ZFPM2: variants seen among roughly 807,000 people sequenced by gnomAD.
ZFPM2 encodes the protein zinc finger protein ZFPM2.
A neutral mutation model predicts 98.6 loss-of-function variants in ZFPM2; 20 were observed. The ratio of observed to expected loss-of-function variants is 0.20; its 90% confidence interval spans 0.14 to 0.29. ZFPM2 has a LOEUF of 0.29. Ranked by LOEUF, ZFPM2 falls within the 10% of genes least tolerant of loss-of-function variation. The pLI is 1.00. For missense variants in ZFPM2, 1,310 were observed against 1,388.6 expected (o/e 0.94, Z 0.90); for synonymous variants, 518 against 502.7 (o/e 1.03, Z -0.41).
rs766046223 is a variant in ZFPM2, at chr8:105,444,409, G to A, written c.301+28G>A. The A allele has an allele frequency of 1.2e-5, 19 of 1,541,312 alleles. 1 individual carries two copies. The highest frequency in any genetic ancestry group is 4.6e-5 in the East Asian group (2 of 43,608). The stretch of plus-strand genomic sequence containing the variant: ...AGGGGAGAATATTTAAAATTCAACC[G>A]TCTTTAGTACTGTTAGAAATACACA... On this transcript the variant is annotated intron_variant, in intron 3 of 7. Coordinates refer to ENST00000407775, the MANE Select transcript of ZFPM2 (RefSeq NM_012082.4).
chr8:105,355,234 TAGTTTTAGA>T (rs1310404165), intron 1 of ZFPM2, among the ~76,000 whole-genome samples: 1 of 152,336 alleles, frequency 6.6e-6, no homozygotes, highest in Non-Finnish European at 1.5e-5. Context: ...TTTGAAGTTT[TAGTTTTAGA>T]AGTCACTATT....
At chr8:105,660,885 A>C (rs2130885824) in intron 5 of ZFPM2, among the ~76,000 whole-genome samples, 1 of 152,330 alleles carries the variant, frequency 6.6e-6, no homozygotes, top group Non-Finnish European at 1.5e-5. Context: ...ATCATATTGC[A>C]GACACAAAAT....
chr8:105,738,209 C>A (rs1338053350), intron 5 of ZFPM2, among the ~76,000 whole-genome samples: 1 of 151,936 alleles, frequency 6.6e-6, no homozygotes, highest in African/African-American at 2.4e-5. Flanking sequence ...GTGTGTTGTT[C>A]CCCACTATGC....
At chr8:105,368,364 T>G (rs1810550184) in intron 1 of ZFPM2, among the ~76,000 whole-genome samples, 1 of 152,166 alleles carries the variant, frequency 6.6e-6, no homozygotes, top group African/African-American at 2.4e-5. Context: ...TAGTACTTAC[T>G]ATTGATCTTA....
intron 3 of ZFPM2, among the ~76,000 whole-genome samples, chr8:105,461,780 T>C (rs569599602): frequency 1.6e-4 from 24 of 152,246 alleles, no homozygotes; most frequent in Non-Finnish European, 3.1e-4. Context: ...TTCCCCATAA[T>C]AACTTTAGGG....
chr8:105,394,242 A>C (rs544577914), intron 1 of ZFPM2, among the ~76,000 whole-genome samples: 2 of 152,252 alleles, frequency 1.3e-5, no homozygotes, highest in East Asian at 1.9e-4. Flanking sequence ...TGCTCCTGCA[A>C]GTGGGGAGTT....
At chr8:105,671,444 T>A (rs1296780197) in intron 5 of ZFPM2, among the ~76,000 whole-genome samples, 1 of 151,968 alleles carries the variant, frequency 6.6e-6, no homozygotes, top group Non-Finnish European at 1.5e-5. Flanking sequence ...TCTCGTGTTG[T>A]TTTAATCTCA....
At chr8:105,369,490 C>T (rs183776323) in intron 1 of ZFPM2, among the ~76,000 whole-genome samples, 81 of 152,034 alleles carry the variant, frequency 5.3e-4, no homozygotes, top group Admixed American at 9.2e-4. Context: ...TTAAATGGGG[C>T]CTTTGGCCAT....
intron 1 of ZFPM2, chr8:105,358,732 G>A (rs1182146195): frequency 6.6e-6 from 1 of 152,312 alleles, no homozygotes; most frequent in African/African-American, 2.4e-5. Flanking sequence ...TGAGGTGGGT[G>A]GATCATGAGG....
chr8:105,585,577 C>T (rs1007143275), intron 4 of ZFPM2, among the ~76,000 whole-genome samples: 2 of 152,052 alleles, frequency 1.3e-5, no homozygotes, highest in African/African-American at 2.4e-5. Context: ...AAGATGTTGC[C>T]GTGTACTTGA....
Position 105,798,456 on chromosome 8 carries a change from T to C in ZFPM2, c.740-268T>C, listed in dbSNP as rs183062253. The C allele has an allele frequency of 1.4e-3, 456 of 315,776 alleles. 2 individuals carry two copies. Among genetic ancestry groups the C allele is most frequent in the African/African-American group, 8.4e-3 (399 of 47,448 alleles). The allele number at this position is 315,776 out of a possible 1,614,324, so 19.6% of individuals were successfully genotyped here. A position where few individuals can be genotyped will look rare whatever the true frequency, so the allele number is the denominator to read the frequency against. ...CACAGTGAGAATCTGTCGCAAAAAA[T>C]AAAATAAAATAAAATCAATATCTTG... On this transcript the variant is annotated intron_variant, in intron 6 of 7. Transcript: ENST00000407775.
At chr8:105,747,076 A>G (rs1263295886) in intron 5 of ZFPM2, among the ~76,000 whole-genome samples, 1 of 152,092 alleles carries the variant, frequency 6.6e-6, no homozygotes, top group African/African-American at 2.4e-5. Context: ...AAGGAAATAT[A>G]ATGGTTTTAA....
At chr8:105,568,817 A>ACTCACCTCCCCAGGTGATG (rs550431784) in intron 4 of ZFPM2, among the ~76,000 whole-genome samples, 1 of 151,712 alleles carries the variant, frequency 6.6e-6, no homozygotes, top group South Asian at 2.1e-4. Context: ...CCTTCCTGTT[A>ACTCACCTCCCCAGGTGATG]CTCACCTCCC....
intron 5 of ZFPM2, among the ~76,000 whole-genome samples, chr8:105,673,750 C>T (rs1387059563): frequency 6.6e-6 from 1 of 152,072 alleles, no homozygotes; most frequent in Admixed American, 6.5e-5. Flanking sequence ...GATAGAATTC[C>T]CTTAACTGAA....
chr8:105,500,590 C>T (rs765381983), intron 3 of ZFPM2, among the ~76,000 whole-genome samples: 4 of 151,756 alleles, frequency 2.6e-5, no homozygotes, highest in South Asian at 2.1e-4. Context: ...AGAGACAGAA[C>T]GTTAGGTTTT....
chr8:105,468,624 G>A (rs1019910529), intron 3 of ZFPM2, among the ~76,000 whole-genome samples: 4 of 152,080 alleles, frequency 2.6e-5, no homozygotes, highest in African/African-American at 9.7e-5. Flanking sequence ...GCTTTACTGT[G>A]AGATGGGGAG....
At chr8:105,718,617 T>A (rs1321884159) in intron 5 of ZFPM2, among the ~76,000 whole-genome samples, 1 of 151,966 alleles carries the variant, frequency 6.6e-6, no homozygotes, top group Non-Finnish European at 1.5e-5. Flanking sequence ...TAGAGAAAAT[T>A]ATCCGGTGTT....
chr8:105,517,468 C>T (rs1813949129), intron 3 of ZFPM2, among the ~76,000 whole-genome samples: 1 of 152,078 alleles, frequency 6.6e-6, no homozygotes, highest in Non-Finnish European at 1.5e-5. Context: ...TACATATATA[C>T]TGTGAAATGA....
intron 3 of ZFPM2, among the ~76,000 whole-genome samples, chr8:105,513,477 G>A (rs1436751590): frequency 1.3e-5 from 2 of 152,122 alleles, no homozygotes; most frequent in Non-Finnish European, 2.9e-5. Context: ...ACATCATCAC[G>A]TCAGTAGTTA....
Sources: allele counts gnomAD v4.1 joint callset (sites outside exome capture counted in the v4.1 genomes callset), GRCh38; gene constraint gnomAD v4.1.1; transcripts MANE v1.5; gene names NCBI Gene and HGNC (gene_info 2026-07-23, HGNC 2026-07-21).